Variants in SOX5 observed in about 807,000 individuals in gnomAD.
SOX5 encodes the protein transcription factor SOX-5.
SOX5 carries 9 observed loss-of-function variants against 92.0 expected under a neutral mutation model. That is an observed-to-expected ratio of 0.10 (90% confidence interval 0.06 to 0.17). The LOEUF is 0.17. SOX5 is among the 10% of genes least tolerant of loss of function. The pLI is 1.00. For synonymous variants in SOX5, 344 were observed against 336.3 expected, an observed-to-expected ratio of 1.02 and a Z score of -0.25; for missense variants, 642 against 944.5, an observed-to-expected ratio of 0.68 and a Z score of 4.20.
intron 2 of SOX5, among the ~76,000 whole-genome samples, chr12:24,348,983 T>C (rs554768294): frequency 3.9e-5 from 6 of 152,338 alleles, no homozygotes; most frequent in African/African-American, 1.4e-4. Flanking sequence ...TGTGAGTCCA[T>C]TAAACCTCTT....
chr12:23,698,528 T>A (rs975553856), intron 6 of SOX5, among the ~76,000 whole-genome samples: 4 of 152,190 alleles, frequency 2.6e-5, no homozygotes, highest in African/African-American at 4.8e-5. Flanking sequence ...TAGGACACTG[T>A]TATAGCTTCC....
intron 2 of SOX5, among the ~76,000 whole-genome samples, chr12:24,343,794 C>A (rs995653223): frequency 7.9e-5 from 12 of 151,972 alleles, no homozygotes; most frequent in African/African-American, 2.9e-4. Context: ...GGGGAAGGAC[C>A]AAGGCAGAAG....
At chr12:24,190,133 G>T (rs1265256252) in intron 4 of SOX5, among the ~76,000 whole-genome samples, 3 of 152,142 alleles carry the variant, frequency 2.0e-5, no homozygotes, top group African/African-American at 7.2e-5. Flanking sequence ...ATAGAATATA[G>T]TAACCAAAAT....
intron 7 of SOX5, among the ~76,000 whole-genome samples, chr12:23,649,294 GT>G (rs1001792938): frequency 4.6e-5 from 7 of 151,840 alleles, no homozygotes. Context: ...AAAAAAAAGA[GT>G]TTTTATTGAA....
chr12:24,410,846 A>T (rs1195807326), intron 1 of SOX5, among the ~76,000 whole-genome samples: 1 of 152,210 alleles, frequency 6.6e-6, no homozygotes, highest in Non-Finnish European at 1.5e-5. Context: ...TGTATCTACA[A>T]AAAAGCCTTG....
At chr12:23,860,402 A>G (rs190118165) in intron 2 of SOX5, among the ~76,000 whole-genome samples, 14 of 152,342 alleles carry the variant, frequency 9.2e-5, no homozygotes, top group Non-Finnish European at 1.5e-4. Context: ...TAAGAAAAAA[A>G]AGAGTCAAAG....
At chr12:23,648,637 C>T (rs1298037448) in intron 7 of SOX5, among the ~76,000 whole-genome samples, 1 of 152,036 alleles carries the variant, frequency 6.6e-6, no homozygotes, top group South Asian at 2.1e-4. Flanking sequence ...CTACAGGCTG[C>T]AAAGAGTGGT....
intron 4 of SOX5, among the ~76,000 whole-genome samples, chr12:24,035,457 C>T (rs17482674): frequency 0.13 from 20,198 of 151,990 alleles, 1,835 homozygotes; most frequent in Non-Finnish European, 0.2. Flanking sequence ...CCACTTGAAG[C>T]TGTAACAATG....
intron 6 of SOX5, among the ~76,000 whole-genome samples, chr12:23,707,458 C>T (rs1324914156): frequency 6.6e-6 from 1 of 152,078 alleles, no homozygotes; most frequent in Non-Finnish European, 1.5e-5. Flanking sequence ...GTATGGCATT[C>T]ACTTGGCTTC....
At chr12:24,147,764 A>G (rs974056383) in intron 4 of SOX5, among the ~76,000 whole-genome samples, 9 of 152,232 alleles carry the variant, frequency 5.9e-5, no homozygotes, top group Non-Finnish European at 1.2e-4. Context: ...CTATATATCA[A>G]CAAGGAAAAT....
chr12:24,429,824 G>T (rs1055675465), intron 1 of SOX5, among the ~76,000 whole-genome samples: 1 of 151,950 alleles, frequency 6.6e-6, no homozygotes, highest in Non-Finnish European at 1.5e-5. Flanking sequence ...AAAATTAAAG[G>T]ATTATAAGAT....
At chr12:24,004,109 A>T (rs1951890948) in intron 4 of SOX5, among the ~76,000 whole-genome samples, 1 of 152,060 alleles carries the variant, frequency 6.6e-6, no homozygotes. Flanking sequence ...GAGCCAAAAG[A>T]TAAATTCAGA....
intron 7 of SOX5, among the ~76,000 whole-genome samples, chr12:23,642,223 A>C (rs948604535): frequency 6.6e-6 from 1 of 152,098 alleles, no homozygotes; most frequent in African/African-American, 2.4e-5. Context: ...TTCTAAAGAG[A>C]GTCTCCCAGG....
At chr12:23,838,007 T>G (rs1286305242) in intron 3 of SOX5, among the ~76,000 whole-genome samples, 7 of 123,864 alleles carry the variant, frequency 5.7e-5, no homozygotes, top group African/African-American at 2.2e-4. Context: ...TGTACATTTA[T>G]ATTTATATAA....
intron 3 of SOX5, among the ~76,000 whole-genome samples, chr12:24,249,847 G>C (rs910560568): frequency 1.3e-5 from 2 of 152,176 alleles, no homozygotes; most frequent in Non-Finnish European, 2.9e-5. Flanking sequence ...AATACTTTAA[G>C]ATCACCTTTG....
chr12:23,982,055 G>A (rs1949622236), intron 4 of SOX5, among the ~76,000 whole-genome samples: 1 of 152,186 alleles, frequency 6.6e-6, no homozygotes. Flanking sequence ...TGTGAAGTAT[G>A]ATTGATGGAG....
At chr12:24,074,413 G>A (rs1196475803) in intron 4 of SOX5, among the ~76,000 whole-genome samples, 3 of 151,270 alleles carry the variant, frequency 2.0e-5, no homozygotes, top group Non-Finnish European at 4.4e-5. Flanking sequence ...CACCTGGATA[G>A]GTACCAGCAA....
intron 1 of SOX5, among the ~76,000 whole-genome samples, chr12:24,455,493 TAA>T (rs1490558062): frequency 1.3e-5 from 2 of 152,194 alleles, no homozygotes; most frequent in Non-Finnish European, 2.9e-5. Flanking sequence ...AGAAACAGCA[TAA>T]AAAGTCTGTC....
chr12:24,529,271 T>A (rs1356404132), intron 1 of SOX5, among the ~76,000 whole-genome samples: 4 of 152,230 alleles, frequency 2.6e-5, no homozygotes. Context: ...TGAATTCAGA[T>A]AATACATTAC....
Sources: gnomAD v4.1 joint callset for allele counts (sites outside exome capture counted in the v4.1 genomes callset) on GRCh38, gnomAD v4.1.1 for gene constraint, MANE v1.5 for transcripts, NCBI Gene and HGNC (gene_info 2026-07-23, HGNC 2026-07-21) for gene names.